Variants in DISC1 observed in about 807,000 individuals in gnomAD.
The protein encoded by DISC1 is DISC1 scaffold protein, also known as disrupted in schizophrenia 1 protein.
A neutral mutation model predicts 84.5 loss-of-function variants in DISC1; 57 were observed. The ratio of observed to expected loss-of-function variants is 0.67; its 90% CI spans 0.55 to 0.84. DISC1 has a LOEUF of 0.84. Among genes scored for constraint, DISC1 ranks in the 40% least tolerant of loss-of-function variants. DISC1 has a pLI of 0.00. For synonymous variants in DISC1, 411 were observed against 415.2 expected, an observed-to-expected ratio of 0.99 and a Z score of 0.12; for missense variants, 1,000 against 1,057.8, an observed-to-expected ratio of 0.95 and a Z score of 0.76.
At chr1:231,942,246 T>G (rs1207522584) in intron 9 of DISC1, among the ~76,000 whole-genome samples, 1 of 152,028 alleles carries the variant, frequency 6.6e-6, no homozygotes, top group Non-Finnish European at 1.5e-5. Flanking sequence ...GCAGGGGAGG[T>G]GTAGGCTCCT....
intron 3 of DISC1, among the ~76,000 whole-genome samples, chr1:231,706,275 A>G (rs1463610106): frequency 6.6e-6 from 1 of 152,166 alleles, no homozygotes; most frequent in Non-Finnish European, 1.5e-5. Flanking sequence ...TGGTCAGGTG[A>G]GGGGCAAGTT....
Position 231,675,616 on chromosome 1 carries a change from G to A in DISC1, c.68-18210G>A, listed in dbSNP as rs188131103. Among the ~76,000 whole-genome samples, 681 of 152,226 alleles carry A rather than the reference G, an allele frequency of 4.5e-3. 2 individuals carry two copies. The highest frequency in any genetic ancestry group is 6.1e-3 in the Non-Finnish European group (414 of 68,004). On this transcript the variant is annotated intron_variant, in intron 1 of 12. Coordinates refer to ENST00000439617, the MANE Select transcript of DISC1 (RefSeq NM_018662.3). This position sits in a 1 kb window ranked among gnomAD's most constrained non-coding sequence, Gnocchi z 4.1. ...GAAGGTACCAGTGTACCACTGGGCC[G>A]CATCCTTAAAGATGGTGCTGTGAGG...
chr1:231,819,900 A>C (rs1034260988), intron 9 of DISC1, among the ~76,000 whole-genome samples: 3 of 152,174 alleles, frequency 2.0e-5, no homozygotes, highest in African/African-American at 7.2e-5. Flanking sequence ...CAATATTTTC[A>C]TTTGAATAGT....
chr1:231,755,257 T>TCTCA (rs2075004859), intron 4 of DISC1, among the ~76,000 whole-genome samples: 1 of 151,870 alleles, frequency 6.6e-6, no homozygotes, highest in African/African-American at 2.4e-5. Context: ...GCCAGGCTGG[T>TCTCA]CTCAAACTCC....
chr1:231,874,654 G>A (rs1329567355), intron 9 of DISC1, among the ~76,000 whole-genome samples: 9 of 151,846 alleles, frequency 5.9e-5, no homozygotes, highest in African/African-American at 2.2e-4. Flanking sequence ...GCTCACGCCT[G>A]TAATCCCAGC....
At chr1:231,998,919 A>G (rs1159353927) in intron 10 of DISC1, among the ~76,000 whole-genome samples, 2 of 152,172 alleles carry the variant, frequency 1.3e-5, no homozygotes, top group Non-Finnish European at 2.9e-5. Context: ...ATGGGGTAGA[A>G]TGAGAGTGAG....
intron 9 of DISC1, among the ~76,000 whole-genome samples, chr1:231,898,429 G>C (rs746963017): frequency 3.9e-5 from 6 of 152,230 alleles, no homozygotes; most frequent in Non-Finnish European, 8.8e-5. Context: ...GCTGGGCAGA[G>C]TGAGTGAAGG....
intron 10 of DISC1, among the ~76,000 whole-genome samples, chr1:231,970,121 G>A (rs1317295971): frequency 6.6e-6 from 1 of 152,166 alleles, no homozygotes; most frequent in Non-Finnish European, 1.5e-5. Context: ...ACCCAGTAAT[G>A]AGATGGCTGG....
At chr1:231,813,170 C>T (rs1297623708) in intron 8 of DISC1, 2 of 152,170 alleles carry the variant, frequency 1.3e-5, no homozygotes, top group Admixed American at 6.5e-5. Flanking sequence ...GGCACTCGCT[C>T]TGTATATATA....
chr1:231,645,232 C>A (rs1465454305), intron 1 of DISC1, among the ~76,000 whole-genome samples: 3 of 152,262 alleles, frequency 2.0e-5, no homozygotes, highest in East Asian at 3.9e-4. Context: ...TTCTTTCACC[C>A]TGGCTAACTG....
At chr1:231,809,550 A>G (rs2080089250) in intron 8 of DISC1, among the ~76,000 whole-genome samples, 1 of 144,278 alleles carries the variant, frequency 6.9e-6, no homozygotes, top group African/African-American at 2.6e-5. Flanking sequence ...GGATGGTTCT[A>G]TCCAATTTGG....
intron 9 of DISC1, among the ~76,000 whole-genome samples, chr1:231,874,398 A>G (rs572271931): frequency 2.4e-3 from 369 of 151,358 alleles, no homozygotes; most frequent in African/African-American, 8.4e-3. Flanking sequence ...TGACCTCCTG[A>G]TCTGCCCACC....
At chr1:231,704,938 A>G (rs1203326623) in intron 3 of DISC1, among the ~76,000 whole-genome samples, 1 of 152,128 alleles carries the variant, frequency 6.6e-6, no homozygotes, top group East Asian at 1.9e-4. Flanking sequence ...GGCATGCTGA[A>G]TGCCGTCCTC....
In DISC1 at chr1:231,675,856, T is replaced by TC. The variant is rs2063098462; in HGVS notation, c.68-17970_68-17969insC. 6.6e-6 allele frequency among the ~76,000 whole-genome samples: 1 copy of TC among 150,736 alleles called. No individual in the cohort carries two copies. Among genetic ancestry groups the TC allele is most frequent in the African/African-American group, 2.4e-5 (1 of 40,882 alleles). ...TTGTATTTGTTTTTTCTTTTCTTTT[T>TC]TTTTTTTTTTTGACACAGAATTCCC... On this transcript the variant is annotated intron_variant, in intron 1 of 12. Transcript: ENST00000439617. This position sits in a 1 kb window ranked among gnomAD's most constrained non-coding sequence, Gnocchi z 4.1.
At chr1:231,654,335 T>G (rs2060889050) in intron 1 of DISC1, among the ~76,000 whole-genome samples, 1 of 151,858 alleles carries the variant, frequency 6.6e-6, no homozygotes, top group Admixed American at 6.7e-5. Context: ...AATTAATTAC[T>G]TTTATTTTTG....
intron 9 of DISC1, among the ~76,000 whole-genome samples, chr1:231,821,778 A>C (rs977514486): frequency 1.4e-5 from 2 of 147,656 alleles, no homozygotes; most frequent in Admixed American, 1.4e-4. Flanking sequence ...TAATGGTGCG[A>C]TCTCTGCTCA....
At chr1:231,849,082 A>G (rs2083674312) in intron 9 of DISC1, among the ~76,000 whole-genome samples, 1 of 150,466 alleles carries the variant, frequency 6.6e-6, no homozygotes, top group South Asian at 2.1e-4. Flanking sequence ...TGTTACGTTT[A>G]CTTATCACAA....
intron 9 of DISC1, among the ~76,000 whole-genome samples, chr1:231,846,064 C>T (rs548251541): frequency 6.6e-6 from 1 of 152,022 alleles, no homozygotes; most frequent in Non-Finnish European, 1.5e-5. Context: ...CCTGAGCCTT[C>T]AAGCAGCAAC....
At chr1:231,809,690 A>G (rs982018907) in intron 8 of DISC1, among the ~76,000 whole-genome samples, 1 of 152,174 alleles carries the variant, frequency 6.6e-6, no homozygotes, top group Non-Finnish European at 1.5e-5. Context: ...ACATTTGGAC[A>G]ATAAACTAGA....
Sources: gnomAD v4.1 joint callset for allele counts (sites outside exome capture counted in the v4.1 genomes callset) on GRCh38, gnomAD v4.1.1 for gene constraint, Gnocchi (gnomAD v3.1) non-coding constraint, MANE v1.5 for transcripts, NCBI Gene and HGNC (gene_info 2026-07-23, HGNC 2026-07-21) for gene names.